The following OPCML variants were observed in gnomAD, a reference collection of about 807,000 sequenced individuals.
The protein encoded by OPCML is opioid-binding protein/cell adhesion molecule.
OPCML carries 13 observed loss-of-function variants against 37.8 expected under a neutral mutation model. That is an observed-to-expected ratio of 0.34 (90% CI 0.22 to 0.55). The LOEUF is 0.55. OPCML is among the 20% of genes least tolerant of loss of function. The probability of loss-of-function intolerance (pLI) is 0.91; values close to 1 mark genes in which losing one functional copy is unlikely to be tolerated. For missense variants in OPCML, 341 were observed against 435.6 expected, an observed-to-expected ratio of 0.78 and a Z score of 1.93; for synonymous variants, 176 against 168.8, an observed-to-expected ratio of 1.04 and a Z score of -0.33.
intron 2 of OPCML, among the ~76,000 whole-genome samples, chr11:132,780,450 C>T (rs1383512958): frequency 6.6e-6 from 1 of 152,176 alleles, no homozygotes; most frequent in Non-Finnish European, 1.5e-5. Context: ...CAGCAATCAC[C>T]TCTTTCACTC....
intron 2 of OPCML, among the ~76,000 whole-genome samples, chr11:132,900,636 C>T (rs183888996): frequency 7.7e-4 from 117 of 152,310 alleles, no homozygotes; most frequent in Middle Eastern, 3.4e-3. Context: ...GCACTGTCTC[C>T]GCACGCTGTG....
At chr11:132,594,945 G>T (rs2096490165) in intron 3 of OPCML, among the ~76,000 whole-genome samples, 1 of 152,166 alleles carries the variant, frequency 6.6e-6, no homozygotes, top group South Asian at 2.1e-4. Context: ...AGGCAGATAT[G>T]CTCTATTTCA....
intron 1 of OPCML, chr11:133,421,190 T>C (rs1330540855): frequency 1.0e-6 from 1 of 985,420 alleles, no homozygotes; most frequent in Non-Finnish European, 1.2e-6. Context: ...TAGCTCTCAG[T>C]TGCAAGGGAA....
intron 2 of OPCML, among the ~76,000 whole-genome samples, chr11:132,929,203 T>C (rs902200597): frequency 6.6e-6 from 1 of 151,892 alleles, no homozygotes. Flanking sequence ...GGCAAAACTT[T>C]AGCTAGATTG....
At chr11:133,184,652 A>C (rs1937994292) in intron 1 of OPCML, among the ~76,000 whole-genome samples, 1 of 152,230 alleles carries the variant, frequency 6.6e-6, no homozygotes, top group African/African-American at 2.4e-5. Context: ...ACTTAGAGTA[A>C]TTAAGACGGG....
At chr11:133,202,340 G>A (rs573977093) in intron 1 of OPCML, among the ~76,000 whole-genome samples, 4 of 152,260 alleles carry the variant, frequency 2.6e-5, no homozygotes, top group African/African-American at 7.2e-5. Flanking sequence ...CAGCTGGGGC[G>A]ATTATTCCTA....
At chr11:133,297,676 G>T (rs1042512125) in intron 1 of OPCML, 1 of 152,194 alleles carries the variant, frequency 6.6e-6, no homozygotes, top group Non-Finnish European at 1.5e-5. Flanking sequence ...ATAGATATTT[G>T]CAAGACAAAT....
intron 1 of OPCML, among the ~76,000 whole-genome samples, chr11:133,014,229 T>C (rs1947274780): frequency 6.6e-6 from 1 of 152,176 alleles, no homozygotes; most frequent in African/African-American, 2.4e-5. Flanking sequence ...GCTATGTAAG[T>C]TGGAATTCAA....
chr11:133,267,963 G>A lies in OPCML; in HGVS notation c.61+264301C>T, dbSNP rs554200107. Among the ~76,000 whole-genome samples the A allele has an allele frequency of 2.8e-3, 429 of 152,278 alleles. 2 individuals carry two copies. The highest frequency in any genetic ancestry group is 7.9e-3 in the South Asian group (38 of 4,824). On this transcript the variant is annotated intron_variant, in intron 1 of 7. Transcript: ENST00000524381. The stretch of plus-strand genomic sequence containing the variant: ...TTATAAATTATCCAGTCTCGGGTAT[G>A]TCTTTATCAGCAGCATGAGAACAGA...
At chr11:133,525,252 G>A (rs905696424) in intron 1 of OPCML, among the ~76,000 whole-genome samples, 7 of 152,222 alleles carry the variant, frequency 4.6e-5, no homozygotes, top group Admixed American at 3.3e-4. Context: ...GAGTTCTGAA[G>A]GATGGAAAGG....
At chr11:132,669,931 G>T (rs1942387659) in intron 2 of OPCML, among the ~76,000 whole-genome samples, 1 of 152,048 alleles carries the variant, frequency 6.6e-6, no homozygotes, top group Non-Finnish European at 1.5e-5. Flanking sequence ...CCACTGACTA[G>T]TCAGGGATGC....
chr11:132,855,567 G>A (rs758767482), intron 2 of OPCML, among the ~76,000 whole-genome samples: 11 of 152,132 alleles, frequency 7.2e-5, no homozygotes, highest in Non-Finnish European at 8.8e-5. Context: ...ATATAGGAGC[G>A]GGATTGCTGG....
chr11:132,798,616 T>A (rs1214973974), intron 2 of OPCML, among the ~76,000 whole-genome samples: 1 of 152,240 alleles, frequency 6.6e-6, no homozygotes, highest in Non-Finnish European at 1.5e-5. Context: ...TCCATTGAAG[T>A]CTTAAACCCC....
chr11:133,369,175 C>T lies in OPCML; in HGVS notation c.61+163089G>A, dbSNP rs1944619273. Among the ~76,000 whole-genome samples, 3 of 152,118 alleles carry T rather than the reference C, an allele frequency of 2.0e-5. No homozygotes were observed. The South Asian group carries it at 6.2e-4, about 32-fold the overall frequency. ...CCAAGAAAAGAGAAAAACATGGGCC[C>T]TGGCTTAGCTTGTAACAAATGTAAT... On this transcript the variant is annotated intron_variant, in intron 1 of 7. Transcript: ENST00000524381.
At chr11:132,783,937 T>A (rs1947115893) in intron 2 of OPCML, among the ~76,000 whole-genome samples, 1 of 152,230 alleles carries the variant, frequency 6.6e-6, no homozygotes, top group Non-Finnish European at 1.5e-5. Flanking sequence ...GATATTTTTA[T>A]CTTAAAGAAT....
chr11:133,295,640 C>T (rs1035270914), intron 1 of OPCML, among the ~76,000 whole-genome samples: 1 of 152,072 alleles, frequency 6.6e-6, no homozygotes, highest in African/African-American at 2.4e-5. Context: ...TAAGAATGGC[C>T]GCTCCCTAGA....
chr11:132,694,445 T>C (rs1943530222), intron 2 of OPCML, among the ~76,000 whole-genome samples: 1 of 151,996 alleles, frequency 6.6e-6, no homozygotes, highest in Non-Finnish European at 1.5e-5. Flanking sequence ...GATCTGCCCA[T>C]CTCGGCCTCC....
intron 1 of OPCML, among the ~76,000 whole-genome samples, chr11:132,970,523 T>C (rs142098087): frequency 6.6e-6 from 1 of 152,336 alleles, no homozygotes; most frequent in African/African-American, 2.4e-5. Context: ...CTCAGTATTA[T>C]CAGTGCCTAC....
In OPCML at chr11:132,470,047, T is replaced by A. The variant is rs910497770; in HGVS notation, c.506-32688A>T. On this transcript the variant is annotated intron_variant, in intron 4 of 7. Transcript: ENST00000524381. ...CCAGTCCTGCAAGAGATGTTTGAAT[T>A]TCATGCAAAGTGCTCTCAGACAACA... Among the ~76,000 whole-genome samples the A allele has an allele frequency of 2.6e-5, 4 of 152,074 alleles. No homozygotes were observed. In the South Asian group the frequency reaches 6.2e-4, roughly 24 times the overall value.
Sources: allele counts gnomAD v4.1 joint callset (sites outside exome capture counted in the v4.1 genomes callset), GRCh38; gene constraint gnomAD v4.1.1; transcripts MANE v1.5; gene names NCBI Gene and HGNC (gene_info 2026-07-23, HGNC 2026-07-21).